SENP7: variants seen among roughly 807,000 people sequenced by gnomAD.
SENP7 encodes the protein SUMO specific peptidase 7.
Under a neutral mutation model 141.2 loss-of-function variants are expected in SENP7, and 64 were observed. The observed-to-expected ratio is 0.45, with a 90% confidence interval of 0.37 to 0.56. The LOEUF (loss-of-function observed/expected upper bound fraction) is 0.56. Among genes scored for constraint, SENP7 ranks in the 20% least tolerant of loss-of-function variants. SENP7 has a pLI of 0.00. For synonymous variants in SENP7, 382 were observed against 426.4 expected (o/e 0.90, Z 1.28); for missense variants, 1,025 against 1,212.2 (o/e 0.85, Z 2.29).
intron 11 of SENP7, chr3:101,357,297 A>G: frequency 1.7e-6 from 1 of 595,792 alleles, no homozygotes; most frequent in Non-Finnish European, 3.2e-6. Context: ...CACCGCGAGG[A>G]GTGGCATTGC....
intron 4 of SENP7, among the ~76,000 whole-genome samples, chr3:101,420,454 T>C (rs2061758777): frequency 6.6e-6 from 1 of 152,234 alleles, no homozygotes; most frequent in African/African-American, 2.4e-5. Context: ...GAACACAAGC[T>C]TACTAAAGAA....
rs184138016 is a variant in SENP7, at chr3:101,351,246, A to G, written c.1657+372T>C. The stretch of plus-strand genomic sequence containing the variant: ...TTCCCTTACTAAGATATGCAATTGT[A>G]TAACATTCTCTTACCCTCTATGCAA... On this transcript the variant is annotated intron_variant, in intron 12 of 23. Coordinates refer to ENST00000394095, the MANE Select transcript of SENP7 (RefSeq NM_020654.5). Among the ~76,000 whole-genome samples, 18 of 152,128 alleles carry G rather than the reference A, an allele frequency of 1.2e-4. No homozygotes were observed. The East Asian group carries it at 2.9e-3, about 24-fold the overall frequency.
intron 3 of SENP7, among the ~76,000 whole-genome samples, chr3:101,470,521 A>C (rs563859679): frequency 1.3e-5 from 2 of 152,344 alleles, no homozygotes; most frequent in African/African-American, 4.8e-5. Flanking sequence ...AGAGCTATCT[A>C]TGACAGACCC....
chr3:101,339,543 C>G (rs948336230), intron 16 of SENP7, among the ~76,000 whole-genome samples: 14 of 152,050 alleles, frequency 9.2e-5, no homozygotes, highest in Non-Finnish European at 1.9e-4. Flanking sequence ...CAACATGAAA[C>G]CCCATCTCTA....
intron 1 of SENP7, among the ~76,000 whole-genome samples, chr3:101,510,370 CTG>C (rs746367562): frequency 1.3e-5 from 2 of 152,222 alleles, no homozygotes; most frequent in Non-Finnish European, 2.9e-5. Flanking sequence ...GAGCGGTACA[CTG>C]TGAACATTTT....
rs868269024 is a variant in SENP7, at chr3:101,457,846, G to A, written c.284+1109C>T. 1.5e-4 allele frequency: 83 copies of A among 552,256 alleles called. 2 individuals carry two copies. The Middle Eastern group carries it at 6.9e-3, about 46-fold the overall frequency. 34.2% of individuals were successfully genotyped at this position (552,256 alleles called of 1,614,324 possible). ...GGAGATGCAAGACGGCAGCTAAAGG[G>A]GAATGATGTATGTTGTGAAGCATGC... On this transcript the variant is annotated intron_variant, in intron 4 of 23. Transcript: ENST00000394095.
chr3:101,440,853 A>G (rs1323936395), intron 4 of SENP7, among the ~76,000 whole-genome samples: 1 of 152,216 alleles, frequency 6.6e-6, no homozygotes, highest in East Asian at 1.9e-4. Context: ...ACTTTAATAT[A>G]TGAAAATGAA....
intron 14 of SENP7, among the ~76,000 whole-genome samples, chr3:101,342,620 T>C (rs1329235005): frequency 1.3e-5 from 2 of 152,122 alleles, no homozygotes; most frequent in Non-Finnish European, 2.9e-5. Flanking sequence ...ATCCTTTTTC[T>C]GTTACAGGAT....
intron 3 of SENP7, among the ~76,000 whole-genome samples, chr3:101,464,820 C>T (rs949512806): frequency 1.6e-4 from 25 of 151,670 alleles, no homozygotes; most frequent in African/African-American, 3.2e-4. Flanking sequence ...GGTTGGGGAC[C>T]GCTGGCCTAA....
intron 6 of SENP7, among the ~76,000 whole-genome samples, chr3:101,382,469 T>C (rs935913052): frequency 2.0e-5 from 3 of 152,138 alleles, no homozygotes; most frequent in African/African-American, 7.2e-5. Context: ...CAGGTATGAG[T>C]CACCACACCC....
intron 4 of SENP7, among the ~76,000 whole-genome samples, chr3:101,435,683 T>C (rs1374307142): frequency 2.0e-5 from 3 of 151,990 alleles, no homozygotes; most frequent in Non-Finnish European, 4.4e-5. Flanking sequence ...TCATTTACAA[T>C]AATAGCCACA....
At chr3:101,441,566 T>C (rs2062674744) in intron 4 of SENP7, among the ~76,000 whole-genome samples, 2 of 152,104 alleles carry the variant, frequency 1.3e-5, no homozygotes, top group Admixed American at 1.3e-4. Flanking sequence ...ACACTGCCAA[T>C]GCCCAAGTAC....
At chr3:101,341,590 T>TC in intron 15 of SENP7, 56 bp downstream of exon 15, 1 of 1,348,320 alleles carries the variant, frequency 7.4e-7, no homozygotes, top group Non-Finnish European at 9.8e-7. Flanking sequence ...AGCAGCAACA[T>TC]GAATAAAAAC....
chr3:101,394,347 T>C (rs1202680968), intron 6 of SENP7, among the ~76,000 whole-genome samples: 2 of 152,182 alleles, frequency 1.3e-5, no homozygotes, highest in African/African-American at 2.4e-5. Flanking sequence ...TATCCACTGA[T>C]GGGACACTTA....
At chr3:101,494,028 CTAACAGAACCACTA>C in intron 2 of SENP7, 60 bp from the exon 3 acceptor site, 1 of 1,030,822 alleles carries the variant, frequency 9.7e-7, no homozygotes, top group Non-Finnish European at 1.5e-6. Flanking sequence ...GCTAATTCAG[CTAACAGAACCACTA>C]TACTACCCTG....
chr3:101,333,002 T>C (rs1013487808), intron 17 of SENP7, 140 bp from the exon 18 acceptor site: 1 of 781,780 alleles, frequency 1.3e-6, no homozygotes, highest in Non-Finnish European at 1.9e-6. Context: ...TAACACATTA[T>C]AAATATATCT....
rs116096789 is a variant in SENP7 at position 101,484,738 on chromosome 3, G to A, written c.186+9135C>T. 7.9e-3 allele frequency among the ~76,000 whole-genome samples: 1,203 copies of A among 152,230 alleles called. 20 individuals carry two copies. Among genetic ancestry groups the A allele is most frequent in the African/African-American group, 0.028 (1,149 of 41,522 alleles). On this transcript the variant is annotated intron_variant, in intron 3 of 23. Transcript: ENST00000394095. The stretch of plus-strand genomic sequence containing the variant: ...CAAAAAGGCCCTGGGAGCTCGCTGC[G>A]TCCCCTAGCAAGCCATTCCTGCCTG...
chr3:101,441,598 T>C (rs1178093557), intron 4 of SENP7, among the ~76,000 whole-genome samples: 1 of 152,160 alleles, frequency 6.6e-6, no homozygotes, highest in East Asian at 1.9e-4. Context: ...CCAAGTGGCC[T>C]GAGAACCCAC....
chr3:101,346,108 G>C (rs1056936291), intron 13 of SENP7, among the ~76,000 whole-genome samples: 34 of 152,168 alleles, frequency 2.2e-4, no homozygotes, highest in African/African-American at 7.9e-4. Context: ...GTGGGCTAAG[G>C]ACATGAATAG....
Sources: allele counts gnomAD v4.1 joint callset (sites outside exome capture counted in the v4.1 genomes callset), GRCh38; gene constraint gnomAD v4.1.1; transcripts MANE v1.5; gene names NCBI Gene and HGNC (gene_info 2026-07-23, HGNC 2026-07-21).